The following NUTF2 variants were observed in gnomAD, a reference collection of about 807,000 sequenced individuals.
NUTF2 encodes placental protein 15.
NUTF2 carries 3 observed loss-of-function variants against 18.5 expected under a neutral mutation model. The observed-to-expected ratio is 0.16, with a 90% CI of 0.07 to 0.42. NUTF2 has a LOEUF of 0.42. Among genes scored for constraint, NUTF2 ranks in the 10% least tolerant of loss-of-function variants. The pLI is 0.99. For synonymous variants in NUTF2, 51 were observed against 57.9 expected (o/e 0.88, Z 0.54); for missense variants, 44 against 160.7 (o/e 0.27, Z 3.93).
Position 67,851,413 on chromosome 16 carries a change from G to A in NUTF2, c.-30+4428G>A, listed in dbSNP as rs1193900781. ...GGAGAATCGCTTGAACCAGGGAGGC[G>A]GACGTTGCAGTGAGCCAAGATTGTG... On this transcript the variant is annotated intron_variant, in intron 1 of 4. Coordinates refer to ENST00000219169, the MANE Select transcript of NUTF2 (RefSeq NM_005796.3). Among the ~76,000 whole-genome samples the A allele has an allele frequency of 5.9e-5, 9 of 151,726 alleles. No individual in the cohort carries two copies. The East Asian group carries it at 1.4e-3, about 23-fold the overall frequency.
At chr16:67,854,639 A>T (rs2057882480) in intron 1 of NUTF2, among the ~76,000 whole-genome samples, 1 of 152,204 alleles carries the variant, frequency 6.6e-6, no homozygotes, top group Non-Finnish European at 1.5e-5. Flanking sequence ...CACAGAATAG[A>T]CATTGAAAGT....
intron 2 of NUTF2, 93 bp downstream of exon 2, chr16:67,865,322 T>C: frequency 1.1e-6 from 1 of 869,608 alleles, no homozygotes; most frequent in South Asian, 1.5e-5. Flanking sequence ...GGCAGCCCTA[T>C]CTGGACTGGC....
chr16:67,865,485 A>G (rs1041666866), intron 2 of NUTF2, among the ~76,000 whole-genome samples: 7 of 152,088 alleles, frequency 4.6e-5, no homozygotes, highest in Admixed American at 4.6e-4. Context: ...AGCATTTGTC[A>G]TGGCACATGG....
At chr16:67,865,265 G>A (rs1011227315) in intron 2 of NUTF2, 36 bp downstream of exon 2, 2 of 1,469,506 alleles carry the variant, frequency 1.4e-6, no homozygotes, top group Non-Finnish European at 1.9e-6. Context: ...ATGGACCCTA[G>A]GGGATCAATT....
intron 1 of NUTF2, among the ~76,000 whole-genome samples, chr16:67,857,646 C>T (rs2057906714): frequency 6.6e-6 from 1 of 152,226 alleles, no homozygotes; most frequent in African/African-American, 2.4e-5. Flanking sequence ...CCTACAATTA[C>T]TAATGATGGG....
chr16:67,866,205 G>A (rs1203490948), intron 2 of NUTF2, among the ~76,000 whole-genome samples: 1 of 151,992 alleles, frequency 6.6e-6, no homozygotes, highest in Non-Finnish European at 1.5e-5. Context: ...TCTGTCTCCA[G>A]AAAGTCAGTG....
chr16:67,870,632 C>A (rs756220599), intron 4 of NUTF2, 168 bp from the exon 5 acceptor site: 59 of 649,578 alleles, frequency 9.1e-5, no homozygotes, highest in Non-Finnish European at 1.3e-4. Context: ...TTGTTTCATA[C>A]ATTACATCAA....
chr16:67,862,405 G>C (rs1463862314), intron 1 of NUTF2, among the ~76,000 whole-genome samples: 1 of 152,168 alleles, frequency 6.6e-6, no homozygotes, highest in Non-Finnish European at 1.5e-5. Context: ...GGGAGCCCCT[G>C]ATGTGTCCTA....
chr16:67,863,816 A>G lies in NUTF2; in HGVS notation c.-29-1286A>G, dbSNP rs2057950471. On this transcript the variant is annotated intron_variant, in intron 1 of 4. Coordinates refer to ENST00000219169, the MANE Select transcript of NUTF2 (RefSeq NM_005796.3). ...GTCTGCAGTCAGGGGATCTGCAGCAAGATGTGGGCTTCCCTACTTGGAAGC... is the reference window on the plus strand; with the variant it reads ...GTCTGCAGTCAGGGGATCTGCAGCAGGATGTGGGCTTCCCTACTTGGAAGC... Among the ~76,000 whole-genome samples the G allele has an allele frequency of 2.6e-5, 4 of 152,316 alleles. No individual in the cohort carries two copies. The South Asian group carries it at 8.3e-4, about 32-fold the overall frequency.
intron 1 of NUTF2, among the ~76,000 whole-genome samples, chr16:67,861,974 T>C (rs1052347162): frequency 3.3e-5 from 5 of 152,098 alleles, no homozygotes; most frequent in South Asian, 2.1e-4. Flanking sequence ...GAGGGGACTT[T>C]CCTGTGTACA....
In NUTF2 at chr16:67,856,194, TTTG is replaced by T. The variant is rs1372150364; in HGVS notation, c.-29-8896_-29-8894del. On this transcript the variant is annotated intron_variant, in intron 1 of 4. Transcript: ENST00000219169. ...CTGTTTGCATCTCGGCCAGTTTTTTTTTGTTGTTGTTGTTTTTTGAGACAGTCT... is the reference window on the plus strand; with the variant it reads ...CTGTTTGCATCTCGGCCAGTTTTTTTTTGTTGTTGTTTTTTGAGACAGTCT... 122 of 307,200 alleles carry T rather than the reference TTTG, an allele frequency of 4.0e-4. 1 individual carries two copies. Among genetic ancestry groups the T allele is most frequent in the South Asian group, 5.3e-4 (7 of 13,274 alleles). The allele number at this position is 307,200 out of a possible 1,614,324, so 19.0% of individuals were successfully genotyped here. A position where few individuals can be genotyped will look rare whatever the true frequency, so the allele number is the denominator to read the frequency against.
At chr16:67,858,694 G>A (rs1366772982) in intron 1 of NUTF2, among the ~76,000 whole-genome samples, 1 of 152,128 alleles carries the variant, frequency 6.6e-6, no homozygotes, top group Admixed American at 6.5e-5. Context: ...GATGAGGTTG[G>A]ACAGCCAGGA....
At chr16:67,868,295 T>G (rs2057988142) in intron 2 of NUTF2, 45 bp from the exon 3 acceptor site, 1 of 1,574,330 alleles carries the variant, frequency 6.4e-7, no homozygotes, top group Non-Finnish European at 8.7e-7. Flanking sequence ...TAGAGATACT[T>G]GTACTCTGAG....
intron 2 of NUTF2, 116 bp downstream of exon 2, chr16:67,865,345 T>A: frequency 1.5e-6 from 1 of 680,122 alleles, no homozygotes; most frequent in Middle Eastern, 3.5e-4. Context: ...CACCTCTGTA[T>A]CTGAACTTTT....
intron 1 of NUTF2, chr16:67,855,979 G>A (rs2057893820): frequency 1.6e-6 from 2 of 1,220,168 alleles, no homozygotes; most frequent in South Asian, 1.3e-5. Flanking sequence ...ACTGCTTCTT[G>A]GTGCCAGCGG....
At chr16:67,850,205 CT>C (rs768001106) in intron 1 of NUTF2, among the ~76,000 whole-genome samples, 1 of 149,732 alleles carries the variant, frequency 6.7e-6, no homozygotes, top group Non-Finnish European at 1.5e-5. Flanking sequence ...TTCCCTGTAA[CT>C]TCTTTTTTTT....
chr16:67,863,357 C>T (rs2057947291), intron 1 of NUTF2, among the ~76,000 whole-genome samples: 1 of 152,062 alleles, frequency 6.6e-6, no homozygotes, highest in Non-Finnish European at 1.5e-5. Flanking sequence ...AGTGCCACTA[C>T]CTCCTAGGGG....
chr16:67,849,286 C>T (rs1318720948), intron 1 of NUTF2, among the ~76,000 whole-genome samples: 1 of 152,232 alleles, frequency 6.6e-6, no homozygotes, highest in African/African-American at 2.4e-5. Context: ...GGTGAGCTGG[C>T]TTACGGCTAT....
At chr16:67,867,448 T>G (rs1051178955) in intron 2 of NUTF2, among the ~76,000 whole-genome samples, 1 of 152,208 alleles carries the variant, frequency 6.6e-6, no homozygotes, top group African/African-American at 2.4e-5. Context: ...GAAGCCCTTT[T>G]GAGTTCTGCC....
Sources: allele counts gnomAD v4.1 joint callset (sites outside exome capture counted in the v4.1 genomes callset), GRCh38; gene constraint gnomAD v4.1.1; transcripts MANE v1.5; gene names NCBI Gene and HGNC (gene_info 2026-07-23, HGNC 2026-07-21).